SP4: variants seen among roughly 807,000 people sequenced by gnomAD.
SP4 encodes transcription factor Sp4.
SP4 carries 19 observed loss-of-function variants against 72.8 expected under a neutral mutation model. That is an observed-to-expected ratio of 0.26 (90% CI 0.18 to 0.38). The LOEUF (loss-of-function observed/expected upper bound fraction) is 0.38. Among genes scored for constraint, SP4 ranks in the 10% least tolerant of loss-of-function variants. The pLI is 1.00. For synonymous variants in SP4, 395 were observed against 333.1 expected (o/e 1.19, Z -2.02); for missense variants, 1,008 against 926.3 (o/e 1.09, Z -1.14).
intron 3 of SP4, among the ~76,000 whole-genome samples, chr7:21,460,529 C>T (rs1434670703): frequency 6.6e-6 from 1 of 152,176 alleles, no homozygotes. Context: ...AAGAACAAAG[C>T]TTCCACAGTA....
chr7:21,495,994 C>CA (rs1396850619), intron 5 of SP4, among the ~76,000 whole-genome samples: 2 of 152,116 alleles, frequency 1.3e-5, no homozygotes, highest in African/African-American at 4.8e-5. Flanking sequence ...ATTTCAGAAT[C>CA]AAAAGACTGC....
chr7:21,464,304 G>T (rs1008106995), intron 3 of SP4, among the ~76,000 whole-genome samples: 6 of 151,744 alleles, frequency 4.0e-5, no homozygotes, highest in African/African-American at 7.3e-5. Flanking sequence ...CACTGTGTTA[G>T]CCAGGATGGT....
chr7:21,432,037 C>T (rs1302815933), intron 3 of SP4, among the ~76,000 whole-genome samples: 1 of 152,186 alleles, frequency 6.6e-6, no homozygotes, highest in Non-Finnish European at 1.5e-5. Context: ...CCAGCGCTAT[C>T]CAGCAGAACT....
intron 3 of SP4, among the ~76,000 whole-genome samples, chr7:21,468,031 T>G (rs1015528718): frequency 1.2e-4 from 19 of 152,148 alleles, no homozygotes; most frequent in African/African-American, 4.1e-4. Flanking sequence ...CGGATCTGTC[T>G]TACTTACAGA....
At chr7:21,446,806 GTTTGT>G in intron 3 of SP4, among the ~76,000 whole-genome samples, 1 of 141,212 alleles carries the variant, frequency 7.1e-6, no homozygotes, top group Non-Finnish European at 1.5e-5. Context: ...ATACGGGTTT[GTTTGT>G]TTTGACAAAT....
chr7:21,480,986 C>G (rs774181127), intron 4 of SP4, among the ~76,000 whole-genome samples: 1 of 152,148 alleles, frequency 6.6e-6, no homozygotes, highest in Non-Finnish European at 1.5e-5. Context: ...TGAGTTACAA[C>G]CCTGCTTTAA....
At chr7:21,442,358 A>T (rs79947001) in intron 3 of SP4, among the ~76,000 whole-genome samples, 3,284 of 152,246 alleles carry the variant, frequency 0.022, 166 homozygotes, top group East Asian at 0.19. Context: ...AATCTATAAA[A>T]TTAAAACACA....
intron 3 of SP4, among the ~76,000 whole-genome samples, chr7:21,456,090 C>T (rs894253481): frequency 3.9e-5 from 6 of 152,128 alleles, no homozygotes; most frequent in East Asian, 1.9e-4. Context: ...AAAACAGCAG[C>T]CCTTGGATTT....
intron 3 of SP4, among the ~76,000 whole-genome samples, chr7:21,456,899 A>C (rs888790375): frequency 6.6e-5 from 10 of 152,160 alleles, no homozygotes; most frequent in Non-Finnish European, 1.2e-4. Flanking sequence ...GTGAACTGAG[A>C]GATCAGCCCA....
chr7:21,493,658 C>A (rs985538118), intron 5 of SP4, among the ~76,000 whole-genome samples: 9 of 152,146 alleles, frequency 5.9e-5, no homozygotes, highest in African/African-American at 2.2e-4. Flanking sequence ...AGATAGATAG[C>A]ATGAATGCTC....
At position 21,442,478 on chromosome 7, in the gene SP4, A is replaced by G. The variant is rs114172635; in HGVS notation, c.1678+11635A>G. ...ATGATAGATATCATCTAATATCTAT[A>G]TATGTCATACATATAGCTAATTAAA... On this transcript the variant is annotated intron_variant, in intron 3 of 5. Transcript: ENST00000222584. Among the ~76,000 whole-genome samples the G allele has an allele frequency of 8.4e-3, 1,275 of 152,350 alleles. 19 individuals carry two copies. Among genetic ancestry groups the G allele is most frequent in the African/African-American group, 0.029 (1,206 of 41,570 alleles).
intron 3 of SP4, among the ~76,000 whole-genome samples, chr7:21,431,769 C>T (rs1206550314): frequency 2.0e-5 from 3 of 152,110 alleles, no homozygotes; most frequent in South Asian, 4.1e-4. Context: ...ATGAAAACCT[C>T]GTTGTGTTTT....
chr7:21,471,711 G>A (rs541736826), intron 3 of SP4, among the ~76,000 whole-genome samples: 1 of 152,066 alleles, frequency 6.6e-6, no homozygotes, highest in African/African-American at 2.4e-5. Context: ...GCATGCATCT[G>A]TAGTCCCAAC....
chr7:21,448,171 A>G (rs186130438), intron 3 of SP4, among the ~76,000 whole-genome samples: 1 of 152,360 alleles, frequency 6.6e-6, no homozygotes, highest in Non-Finnish European at 1.5e-5. Context: ...ACAAATATTT[A>G]GTTACCCATG....
Position 21,430,995 on chromosome 7 carries a change from G to A in SP4, c.1678+152G>A, listed in dbSNP as rs187285698. The A allele has an allele frequency of 5.0e-3, 3,015 of 599,152 alleles. 17 individuals are homozygous for A. The highest frequency in any genetic ancestry group is 6.7e-3 in the Non-Finnish European group (2,309 of 342,614). The allele number at this position is 599,152 out of a possible 1,614,324, so 37.1% of individuals were successfully genotyped here. On this transcript the variant is annotated intron_variant, in intron 3 of 5. Transcript: ENST00000222584. ...TAGCAATATTATACTAACAAACATA[G>A]CTCTGTAGTAATCAATGTGACATGT...
chr7:21,506,278 AC>A lies in SP4; in HGVS notation c.2108-4743del, dbSNP rs1324358175. Among the ~76,000 whole-genome samples the A allele has an allele frequency of 3.9e-5, 6 of 152,194 alleles. No homozygotes were observed. The East Asian group carries it at 1.2e-3, about 29-fold the overall frequency. ...TGCCCCAGTATCAACCAAAAATGTC[AC>A]TTCTCCCTCAGGTCCCACCTTCAAA... On this transcript the variant is annotated intron_variant, in intron 5 of 5. Coordinates refer to ENST00000222584, the MANE Select transcript of SP4 (RefSeq NM_003112.5).
intron 3 of SP4, among the ~76,000 whole-genome samples, chr7:21,453,072 C>G (rs757927202): frequency 6.6e-6 from 1 of 152,152 alleles, no homozygotes; most frequent in Non-Finnish European, 1.5e-5. Context: ...GCCACCGTGC[C>G]CGACCTACTC....
chr7:21,474,295 A>G (rs1784430384), intron 3 of SP4, among the ~76,000 whole-genome samples: 1 of 152,252 alleles, frequency 6.6e-6, no homozygotes, highest in African/African-American at 2.4e-5. Flanking sequence ...TTATGAGAAA[A>G]GTAGTCAGAG....
chr7:21,436,819 C>G (rs559876082), intron 3 of SP4, among the ~76,000 whole-genome samples: 1 of 152,168 alleles, frequency 6.6e-6, no homozygotes, highest in Admixed American at 6.5e-5. Context: ...ATTGTAGTTA[C>G]TAAGGTAACT....
Sources: allele counts gnomAD v4.1 joint callset (sites outside exome capture counted in the v4.1 genomes callset), GRCh38; gene constraint gnomAD v4.1.1; transcripts MANE v1.5; gene names NCBI Gene and HGNC (gene_info 2026-07-23, HGNC 2026-07-21).